Variants in SEMA3D observed in about 807,000 individuals in gnomAD.
The protein encoded by SEMA3D is semaphorin-3D.
A neutral mutation model predicts 100.1 loss-of-function variants in SEMA3D; 84 were observed. The observed-to-expected ratio is 0.84, with a 90% CI of 0.70 to 1.01. SEMA3D has a LOEUF of 1.01. Ranked by LOEUF, SEMA3D falls within the 50% of genes least tolerant of loss-of-function variation. SEMA3D has a pLI of 0.00. For synonymous variants in SEMA3D, 312 were observed against 320.7 expected (o/e 0.97, Z 0.29); for missense variants, 875 against 934.1 (o/e 0.94, Z 0.82).
intron 12 of SEMA3D, among the ~76,000 whole-genome samples, chr7:85,030,779 C>A (rs761300048): frequency 6.6e-6 from 1 of 151,970 alleles, no homozygotes; most frequent in Non-Finnish European, 1.5e-5. Flanking sequence ...TCTGCCTTTA[C>A]AAATCTTTCT....
At chr7:85,126,913 T>C (rs1789586706) in intron 2 of SEMA3D, among the ~76,000 whole-genome samples, 1 of 152,166 alleles carries the variant, frequency 6.6e-6, no homozygotes, top group Non-Finnish European at 1.5e-5. Context: ...GCTAGAACTT[T>C]CACATAAATT....
At chr7:85,142,517 C>T (rs1300907035) in intron 2 of SEMA3D, 1 of 983,722 alleles carries the variant, frequency 1.0e-6, no homozygotes, top group Non-Finnish European at 1.2e-6. Context: ...TAATCATTCT[C>T]CATGGTAATA....
At chr7:85,029,941 A>T (rs928881316) in intron 12 of SEMA3D, among the ~76,000 whole-genome samples, 1 of 152,066 alleles carries the variant, frequency 6.6e-6, no homozygotes, top group African/African-American at 2.4e-5. Flanking sequence ...TATCAAAAAA[A>T]GATTAAACAA....
intron 1 of SEMA3D, chr7:85,167,206 T>A: frequency 1.1e-6 from 1 of 894,050 alleles, no homozygotes; most frequent in Non-Finnish European, 1.3e-6. Context: ...ATGTCAAGAG[T>A]TGAAATGTTA....
chr7:85,135,498 C>A (rs973211741), intron 2 of SEMA3D, among the ~76,000 whole-genome samples: 7 of 151,560 alleles, frequency 4.6e-5, no homozygotes, highest in Non-Finnish European at 8.8e-5. Context: ...CACACCGGGG[C>A]CTGTCGTGAG....
the SEMA3D span, among the ~76,000 whole-genome samples, chr7:85,199,080 A>G: frequency 1.3e-5 from 2 of 151,980 alleles, no homozygotes; most frequent in Non-Finnish European, 2.9e-5. Context: ...TTCCGGATAA[A>G]GAGACATCAT....
At chr7:85,055,663 T>G in intron 9 of SEMA3D, 54 bp downstream of exon 9, 1 of 193,998 alleles carries the variant, frequency 5.2e-6, no homozygotes, top group Non-Finnish European at 9.6e-6. Flanking sequence ...TATATATATA[T>G]ATATATATAT....
intron 4 of SEMA3D, among the ~76,000 whole-genome samples, chr7:85,093,907 T>C (rs1277600140): frequency 6.6e-6 from 1 of 151,984 alleles, no homozygotes; most frequent in Admixed American, 6.6e-5. Flanking sequence ...ATATATAAAA[T>C]GCTCCTGTAA....
chr7:85,070,563 G>A (rs530161196), intron 6 of SEMA3D, among the ~76,000 whole-genome samples: 33 of 152,042 alleles, frequency 2.2e-4, no homozygotes, highest in Non-Finnish European at 4.1e-4. Context: ...GATTTCTTGG[G>A]ACTAATGATT....
chr7:85,179,632 C>G (rs1479744900), intron 1 of SEMA3D, among the ~76,000 whole-genome samples: 1 of 150,890 alleles, frequency 6.6e-6, no homozygotes, highest in African/African-American at 2.4e-5. Flanking sequence ...AAGAGACTTG[C>G]TTTGTCTCAG....
At chr7:85,005,748 A>C (rs1789778501) in intron 18 of SEMA3D, among the ~76,000 whole-genome samples, 2 of 152,044 alleles carry the variant, frequency 1.3e-5, no homozygotes, top group South Asian at 4.1e-4. Context: ...TACCCAGTAC[A>C]CACCAGGGGC....
At chr7:85,056,034 G>A (rs1225719534) in intron 8 of SEMA3D, among the ~76,000 whole-genome samples, 175 bp from the exon 9 acceptor site, 4 of 152,036 alleles carry the variant, frequency 2.6e-5, no homozygotes, top group Non-Finnish European at 5.9e-5. Context: ...GTAGAAATAT[G>A]TATCAGCATA....
At chr7:85,174,908 C>T (rs2116558259) in intron 1 of SEMA3D, among the ~76,000 whole-genome samples, 1 of 152,190 alleles carries the variant, frequency 6.6e-6, no homozygotes, top group South Asian at 2.1e-4. Flanking sequence ...TGCTGGTTTG[C>T]TCTGCTTATC....
intron 15 of SEMA3D, among the ~76,000 whole-genome samples, chr7:85,016,553 T>C (rs1043320926): frequency 2.0e-5 from 3 of 151,770 alleles, no homozygotes; most frequent in Admixed American, 1.3e-4. Flanking sequence ...CCTCCCTTGC[T>C]ACAGCCACTA....
intron 17 of SEMA3D, among the ~76,000 whole-genome samples, chr7:85,008,532 C>A (rs966497916): frequency 6.6e-6 from 1 of 151,778 alleles, no homozygotes; most frequent in East Asian, 1.9e-4. Context: ...CACATACACA[C>A]ACACATACAC....
the SEMA3D span, among the ~76,000 whole-genome samples, chr7:85,232,026 T>C: frequency 6.6e-6 from 1 of 152,226 alleles, no homozygotes; most frequent in Non-Finnish European, 1.5e-5. Flanking sequence ...TCACCCACTC[T>C]ATTTAATGGA....
rs929796759 is a variant in SEMA3D, at chr7:85,156,831, T to G, written c.-172-3092A>C. On this transcript the variant is annotated intron_variant, in intron 1 of 18. Transcript: ENST00000284136. Reference sequence around the variant, plus strand: ...AGCATAACAGACAGTAAGAAGAAAATAGTTATATCATGCAAATATCTTATA... The same window carrying G: ...AGCATAACAGACAGTAAGAAGAAAAGAGTTATATCATGCAAATATCTTATA... 1.3e-5 allele frequency among the ~76,000 whole-genome samples: 2 copies of G among 152,002 alleles called. 1 individual carries two copies. Among genetic ancestry groups the G allele is most frequent in the South Asian group, 4.2e-4 (2 of 4,814 alleles).
the SEMA3D span, among the ~76,000 whole-genome samples, chr7:85,212,084 A>G: frequency 2.6e-5 from 4 of 152,106 alleles, no homozygotes; most frequent in African/African-American, 9.7e-5. Context: ...ACTTAGGCTT[A>G]ATAAATACTT....
intron 1 of SEMA3D, among the ~76,000 whole-genome samples, chr7:85,167,812 T>C (rs1790951358): frequency 6.6e-6 from 1 of 151,912 alleles, no homozygotes. Flanking sequence ...AGAATTATGA[T>C]GAATACATTG....
Sources: gnomAD v4.1 joint callset for allele counts (sites outside exome capture counted in the v4.1 genomes callset) on GRCh38, gnomAD v4.1.1 for gene constraint, MANE v1.5 for transcripts, NCBI Gene and HGNC (gene_info 2026-07-23, HGNC 2026-07-21) for gene names.